GABRG3: variants seen among roughly 807,000 people sequenced by gnomAD.
The protein encoded by GABRG3 is gamma-aminobutyric acid receptor subunit gamma-3.
Under a neutral mutation model 48.8 loss-of-function variants are expected in GABRG3, and 25 were observed. The observed-to-expected ratio is 0.51, with a 90% CI of 0.37 to 0.72. The LOEUF (loss-of-function observed/expected upper bound fraction) is 0.72, where lower values mean the gene tolerates loss of function less well. Ranked by LOEUF, GABRG3 falls within the 30% of genes least tolerant of loss-of-function variation. The pLI, the probability that GABRG3 is intolerant of heterozygous loss-of-function variation, is 0.00. For missense variants in GABRG3, 394 were observed against 577.9 expected, an observed-to-expected ratio of 0.68 and a Z score of 3.26; for synonymous variants, 227 against 217.6, an observed-to-expected ratio of 1.04 and a Z score of -0.38.
intron 3 of GABRG3, among the ~76,000 whole-genome samples, chr15:27,149,645 T>C (rs2140395572): frequency 6.6e-6 from 1 of 152,326 alleles, no homozygotes; most frequent in South Asian, 2.1e-4. Flanking sequence ...GGCATATGCA[T>C]AAATGGAATA....
intron 3 of GABRG3, among the ~76,000 whole-genome samples, chr15:27,092,546 C>G (rs573886280): frequency 6.6e-6 from 1 of 152,336 alleles, no homozygotes; most frequent in African/African-American, 2.4e-5. Flanking sequence ...TCTGCAGCAA[C>G]AAGCGGATGC....
intron 5 of GABRG3, among the ~76,000 whole-genome samples, chr15:27,347,593 T>C (rs1388066525): frequency 6.6e-6 from 1 of 152,208 alleles, no homozygotes; most frequent in African/African-American, 2.4e-5. Context: ...CTGGTGTATT[T>C]CACAATGATT....
intron 3 of GABRG3, among the ~76,000 whole-genome samples, chr15:27,115,932 A>G (rs995841529): frequency 2.6e-5 from 4 of 152,230 alleles, no homozygotes; most frequent in Non-Finnish European, 5.9e-5. Context: ...TTACGGTAGG[A>G]AAATGAAGCC....
At chr15:27,506,066 T>A (rs4778146) in intron 6 of GABRG3, among the ~76,000 whole-genome samples, 100,858 of 152,042 alleles carry the variant, frequency 0.66, 34,119 homozygotes, top group African/African-American at 0.79. Flanking sequence ...TTCCCTTACC[T>A]TCCCGTAATG....
chr15:27,219,600 C>T (rs1406823459), intron 3 of GABRG3, among the ~76,000 whole-genome samples: 1 of 152,170 alleles, frequency 6.6e-6, no homozygotes, highest in African/African-American at 2.4e-5. Context: ...CCTTAGTCCT[C>T]CCCACCTGTG....
In GABRG3 at chr15:27,515,771, A is replaced by G. The variant is rs376377934; in HGVS notation, c.713-4201A>G. On this transcript the variant is annotated intron_variant, in intron 6 of 9. Transcript: ENST00000615808. ...AAATAGTATACTCTGGGAATAATGC[A>G]ATTACAAAAGATTCACCTAGTCCGT... Among the ~76,000 whole-genome samples the G allele has an allele frequency of 3.9e-5, 6 of 152,354 alleles. No individual in the cohort carries two copies. In the East Asian group the frequency reaches 5.8e-4, roughly 15 times the overall value.
intron 3 of GABRG3, among the ~76,000 whole-genome samples, chr15:27,105,579 A>G (rs546268938): frequency 3.4e-4 from 52 of 152,334 alleles, no homozygotes; most frequent in African/African-American, 1.3e-3. Context: ...ATGTAATCGG[A>G]CTAGAAATCA....
chr15:27,220,650 C>T (rs540277884), intron 3 of GABRG3, among the ~76,000 whole-genome samples: 2 of 152,270 alleles, frequency 1.3e-5, no homozygotes, highest in African/African-American at 4.8e-5. Flanking sequence ...CTAAGATGTT[C>T]TATAGAGTCC....
chr15:26,975,751 A>T lies in GABRG3; in HGVS notation c.54-1251A>T, dbSNP rs1894930404. Among the ~76,000 whole-genome samples, 1 of 152,252 alleles carries T rather than the reference A, an allele frequency of 6.6e-6. No homozygotes were observed. The highest frequency in any genetic ancestry group is 1.5e-5 in the Non-Finnish European group (1 of 68,044). ...TATATCCCAGAGCACAAGTGTCCTG[A>T]CATGACACTAACATTCTGGCTCCCA... is the stretch of plus-strand genomic sequence containing the variant. On this transcript the variant is annotated intron_variant, in intron 1 of 9. Transcript: ENST00000615808. The surrounding 1 kb of genome is among the most constrained non-coding windows in gnomAD (Gnocchi z 4.6).
chr15:27,266,094 G>T (rs1185504166), intron 3 of GABRG3, among the ~76,000 whole-genome samples: 2 of 151,842 alleles, frequency 1.3e-5, no homozygotes, highest in African/African-American at 4.8e-5. Context: ...TGGTCAGGCT[G>T]GTCTTGAACT....
At chr15:27,046,128 T>G (rs1222875299) in intron 3 of GABRG3, among the ~76,000 whole-genome samples, 1 of 152,122 alleles carries the variant, frequency 6.6e-6, no homozygotes, top group East Asian at 1.9e-4. Context: ...AGTTTCACTC[T>G]TGTTGCCGAG....
chr15:27,479,586 C>G (rs1021765414), intron 5 of GABRG3, among the ~76,000 whole-genome samples: 1 of 152,226 alleles, frequency 6.6e-6, no homozygotes, highest in African/African-American at 2.4e-5. Flanking sequence ...ATTTCAACCA[C>G]TTTATTAATA....
At chr15:27,472,006 A>T (rs936398126) in intron 5 of GABRG3, among the ~76,000 whole-genome samples, 4 of 152,206 alleles carry the variant, frequency 2.6e-5, no homozygotes, top group Admixed American at 2.6e-4. Context: ...TCTTATTGAG[A>T]TCACATGTAA....
intron 3 of GABRG3, among the ~76,000 whole-genome samples, chr15:27,028,581 C>T (rs1896024286): frequency 6.6e-6 from 1 of 151,986 alleles, no homozygotes; most frequent in African/African-American, 2.4e-5. Context: ...CTGAGGCAGG[C>T]AGATCACAAG....
rs555366152 is a variant in GABRG3 at position 27,056,121 on chromosome 15, G to A, written c.270+29300G>A. On this transcript the variant is annotated intron_variant, in intron 3 of 9. Coordinates refer to ENST00000615808, the MANE Select transcript of GABRG3 (RefSeq NM_033223.5). The stretch of plus-strand genomic sequence containing the variant: ...TCCTAGCACTTTGGGAGGCTGAGGT[G>A]GTGGGTTACTTGAGTCCAGGAGTTC... Among the ~76,000 whole-genome samples the A allele has an allele frequency of 6.6e-5, 10 of 152,090 alleles. 1 individual carries two copies. Among genetic ancestry groups the A allele is most frequent in the African/African-American group, 2.4e-4 (10 of 41,510 alleles).
At chr15:26,980,452 A>T (rs6606908) in intron 2 of GABRG3, among the ~76,000 whole-genome samples, 2 of 151,876 alleles carry the variant, frequency 1.3e-5, no homozygotes, top group Admixed American at 6.6e-5. Flanking sequence ...CTAAGGCAGG[A>T]GGATCACGAG....
At chr15:27,344,713 C>CT (rs1894306612) in intron 5 of GABRG3, among the ~76,000 whole-genome samples, 2 of 1,412 alleles carry the variant, frequency 1.4e-3, no homozygotes, top group African/African-American at 1.7e-3. Flanking sequence ...ATTGATAAAC[C>CT]ATTTTTTTAA....
chr15:27,453,987 C>G (rs987909300), intron 5 of GABRG3, among the ~76,000 whole-genome samples: 2 of 152,186 alleles, frequency 1.3e-5, no homozygotes, highest in Admixed American at 6.5e-5. Flanking sequence ...GTGTGCTTCC[C>G]TCCGTGGTCC....
chr15:27,008,815 C>T (rs1895634650), intron 2 of GABRG3, among the ~76,000 whole-genome samples: 1 of 152,150 alleles, frequency 6.6e-6, no homozygotes, highest in Admixed American at 6.5e-5. Flanking sequence ...CTCTGCAGTG[C>T]TGCTCTGGGG....
Sources: allele counts gnomAD v4.1 joint callset (sites outside exome capture counted in the v4.1 genomes callset), GRCh38; gene constraint gnomAD v4.1.1; non-coding constraint Gnocchi (gnomAD v3.1); transcripts MANE v1.5; gene names NCBI Gene and HGNC (gene_info 2026-07-23, HGNC 2026-07-21).